DCPS: variants seen among roughly 807,000 people sequenced by gnomAD.
DCPS encodes m7GpppX diphosphatase.
In DCPS, 27 loss-of-function variants were observed where a neutral mutation model predicts 34.7. The observed-to-expected ratio is 0.78, with a 90% CI of 0.57 to 1.07. The LOEUF (loss-of-function observed/expected upper bound fraction) is 1.07, where lower values mean the gene tolerates loss of function less well. Among genes scored for constraint, DCPS ranks in the 50% least tolerant of loss-of-function variants. DCPS has a pLI of 0.00. For missense variants in DCPS, 464 were observed against 436.9 expected, an observed-to-expected ratio of 1.06 and a Z score of -0.55; for synonymous variants, 185 against 185.7, an observed-to-expected ratio of 1.00 and a Z score of 0.03.
In DCPS at chr11:126,319,934, A is replaced by T. The variant is rs185095849; in HGVS notation, c.377-11471A>T. On this transcript the variant is annotated intron_variant, in intron 2 of 5. Transcript: ENST00000263579. This position sits in a 1 kb window ranked among gnomAD's most constrained non-coding sequence, Gnocchi z 4.5. Reference sequence around the variant, plus strand: ...TTTTAACGTATTTGTTACACAAGTGATATGTAAATATATATAACTCCATCA... The same window carrying T: ...TTTTAACGTATTTGTTACACAAGTGTTATGTAAATATATATAACTCCATCA... Among the ~76,000 whole-genome samples the T allele has an allele frequency of 6.6e-6, 1 of 152,080 alleles. No individual in the cohort carries two copies. Among genetic ancestry groups the T allele is most frequent in the East Asian group, 1.9e-4 (1 of 5,168 alleles).
chr11:126,343,776 T>C (rs1951896073), intron 5 of DCPS, among the ~76,000 whole-genome samples: 1 of 152,174 alleles, frequency 6.6e-6, no homozygotes. Flanking sequence ...CTTGGGAGTA[T>C]GGGCACATGA....
At chr11:126,318,772 A>G (rs1039557963) in intron 2 of DCPS, among the ~76,000 whole-genome samples, 1 of 152,192 alleles carries the variant, frequency 6.6e-6, no homozygotes, top group African/African-American at 2.4e-5. Context: ...AGCCATAGAG[A>G]TGAGCTCATC....
Position 126,332,511 on chromosome 11 carries a change from T to C in DCPS, c.522+961T>C, listed in dbSNP as rs1951801469. Among the ~76,000 whole-genome samples, 1 of 152,236 alleles carries C rather than the reference T, an allele frequency of 6.6e-6. No homozygotes were observed. The highest frequency in any genetic ancestry group is 6.5e-5 in the Admixed American group (1 of 15,290). On this transcript the variant is annotated intron_variant, in intron 3 of 5. Transcript: ENST00000263579. This position sits in a 1 kb window ranked among gnomAD's most constrained non-coding sequence, Gnocchi z 5.4. ...CTCCCCAAGATTCAGGTCACTGTGGTGGAGGGTGTTGTGATGTGAGGAACT... is the reference window on the plus strand; with the variant it reads ...CTCCCCAAGATTCAGGTCACTGTGGCGGAGGGTGTTGTGATGTGAGGAACT...
At position 126,338,553 on chromosome 11, in the gene DCPS, A is replaced by G. The variant is rs1951853218; in HGVS notation, c.636+154A>G. Among the ~76,000 whole-genome samples the G allele has an allele frequency of 6.6e-6, 1 of 152,156 alleles. No individual in the cohort carries two copies. The highest frequency in any genetic ancestry group is 2.1e-4 in the South Asian group (1 of 4,826). ...TGAGCTCTCTGTGGGGACTGGGTGGATACCTGTCATACATAAGTGCTTTTG... is the reference window on the plus strand; with the variant it reads ...TGAGCTCTCTGTGGGGACTGGGTGGGTACCTGTCATACATAAGTGCTTTTG... On this transcript the variant is annotated intron_variant, in intron 4 of 5. Transcript: ENST00000263579. This position sits in a 1 kb window ranked among gnomAD's most constrained non-coding sequence, Gnocchi z 5.4.
At position 126,331,391 on chromosome 11, in the gene DCPS, CTG is replaced by C. The variant is rs920950386; in HGVS notation, c.377-12_377-11del. The C allele has an allele frequency of 6.2e-7, 1 of 1,613,612 alleles. No homozygotes were observed. Among genetic ancestry groups the C allele is most frequent in the African/African-American group, 1.3e-5 (1 of 74,912 alleles). ...CATTGCTTCCCTGTCACGGGCTGTG[CTG>C]TATCATTGCAGATGTAAAGACGACC... On this transcript the variant is annotated splice_polypyrimidine_tract_variant and intron_variant, in intron 2 of 5. Transcript: ENST00000263579. The surrounding 1 kb of genome is among the most constrained non-coding windows in gnomAD (Gnocchi z 7.2).
Position 126,347,589 on chromosome 11 carries a change from A to G in DCPS, c.*1976A>G, listed in dbSNP as rs920249432. ...AGTTGCAGCCAAGGAACTTTGAGGT[A>G]GTGACCAATGCAGGGAGGTCTGACA... On this transcript the variant is annotated 3_prime_UTR_variant, in exon 6 of 6. Coordinates refer to ENST00000263579, the MANE Select transcript of DCPS (RefSeq NM_014026.6). The surrounding 1 kb of genome is among the most constrained non-coding windows in gnomAD (Gnocchi z 4.2). Among the ~76,000 whole-genome samples, 2 of 152,224 alleles carry G rather than the reference A, an allele frequency of 1.3e-5. No homozygotes were observed. Among genetic ancestry groups the G allele is most frequent in the African/African-American group, 4.8e-5 (2 of 41,460 alleles).
At position 126,315,430 on chromosome 11, in the gene DCPS, T is replaced by G. The variant is rs1951650085; in HGVS notation, c.376+8686T>G. Among the ~76,000 whole-genome samples the G allele has an allele frequency of 1.3e-5, 2 of 151,804 alleles. No homozygotes were observed. The highest frequency in any genetic ancestry group is 4.9e-5 in the African/African-American group (2 of 41,228). On this transcript the variant is annotated intron_variant, in intron 2 of 5. Coordinates refer to ENST00000263579, the MANE Select transcript of DCPS (RefSeq NM_014026.6). This position sits in a 1 kb window ranked among gnomAD's most constrained non-coding sequence, Gnocchi z 6.1. ...CAAAAATTAGATGGGTGTGGTGGTA[T>G]GTGCCTGTAGTTCCAGCTACTCAGG...
At position 126,347,538 on chromosome 11, in the gene DCPS, A is replaced by G. The variant is rs1403560374; in HGVS notation, c.*1925A>G. Among the ~76,000 whole-genome samples, 2 of 152,170 alleles carry G rather than the reference A, an allele frequency of 1.3e-5. No individual in the cohort carries two copies. The highest frequency in any genetic ancestry group is 1.5e-5 in the Non-Finnish European group (1 of 68,030). On this transcript the variant is annotated 3_prime_UTR_variant, in exon 6 of 6. Transcript: ENST00000263579. The surrounding 1 kb of genome is among the most constrained non-coding windows in gnomAD (Gnocchi z 4.2). Reference sequence around the variant, plus strand: ...CGCGCCCAGCCCCTGCAATACGTCAACAGTCCCTAGATTCAGGCAACATGG... The same window carrying G: ...CGCGCCCAGCCCCTGCAATACGTCAGCAGTCCCTAGATTCAGGCAACATGG...
rs1299276328 is a variant in DCPS at position 126,312,762 on chromosome 11, T to G, written c.376+6018T>G. Among the ~76,000 whole-genome samples the G allele has an allele frequency of 1.3e-5, 2 of 152,252 alleles. No homozygotes were observed. Among genetic ancestry groups the G allele is most frequent in the African/African-American group, 4.8e-5 (2 of 41,476 alleles). On this transcript the variant is annotated intron_variant, in intron 2 of 5. Coordinates refer to ENST00000263579, the MANE Select transcript of DCPS (RefSeq NM_014026.6). The surrounding 1 kb of genome is among the most constrained non-coding windows in gnomAD (Gnocchi z 5.1). ...GTGGCACAGTAGCTGTCATATGGTC[T>G]GTATCCAATAAGTGTAATTATGGTG...
chr11:126,333,935 G>T lies in DCPS; in HGVS notation c.522+2385G>T, dbSNP rs146460855. On this transcript the variant is annotated intron_variant, in intron 3 of 5. Transcript: ENST00000263579. This position sits in a 1 kb window ranked among gnomAD's most constrained non-coding sequence, Gnocchi z 5.7. ...TCAGATGTGAGAACAGTTGCCATAG[G>T]CAGTGAGGGTGCCCTAAACGGTTTT... 6.6e-6 allele frequency among the ~76,000 whole-genome samples: 1 copy of T among 152,034 alleles called. No individual in the cohort carries two copies. Among genetic ancestry groups the T allele is most frequent in the African/African-American group, 2.4e-5 (1 of 41,388 alleles).
chr11:126,340,693 T>C (rs1472400490), intron 4 of DCPS, among the ~76,000 whole-genome samples: 1 of 152,180 alleles, frequency 6.6e-6, no homozygotes, highest in Non-Finnish European at 1.5e-5. Flanking sequence ...GGAGCTTTCC[T>C]AGCCACCTTG....
rs1951975828 is a variant in DCPS, at chr11:126,349,908, G to A, written c.*4295G>A. Among the ~76,000 whole-genome samples the A allele has an allele frequency of 6.6e-6, 1 of 152,184 alleles. No individual in the cohort carries two copies. On this transcript the variant is annotated 3_prime_UTR_variant, in exon 6 of 6. Transcript: ENST00000263579. The surrounding 1 kb of genome is among the most constrained non-coding windows in gnomAD (Gnocchi z 5.4). ...ATCCATGTCAACTTGAAGTTACCAA[G>A]TTTTAACCACTGTTAGAAAATAAGC... is the stretch of plus-strand genomic sequence containing the variant.
rs1951545769 is a variant in DCPS, at chr11:126,304,336, C to T, written c.201+55C>T. The T allele has an allele frequency of 5.7e-6, 9 of 1,585,498 alleles. No homozygotes were observed. The South Asian group carries it at 9.4e-5, about 17-fold the overall frequency. On this transcript the variant is annotated intron_variant, in intron 1 of 5. Coordinates refer to ENST00000263579, the MANE Select transcript of DCPS (RefSeq NM_014026.6). ...CGGGAAGCAGTGAACCAATCATCGC[C>T]TCGGAGGCAGATTTTTTTTTTTCGG...
In DCPS at chr11:126,344,960, T is replaced by C. The variant is rs1048887178; in HGVS notation, c.748-387T>C. ...TTCCTCCCATCCACTTCATGACTGATGAAATGCTTCTAAATCATGAAAGTC... is the reference window on the plus strand; with the variant it reads ...TTCCTCCCATCCACTTCATGACTGACGAAATGCTTCTAAATCATGAAAGTC... On this transcript the variant is annotated intron_variant, in intron 5 of 5. Coordinates refer to ENST00000263579, the MANE Select transcript of DCPS (RefSeq NM_014026.6). The surrounding 1 kb of genome is among the most constrained non-coding windows in gnomAD (Gnocchi z 8.1). 2.0e-5 allele frequency among the ~76,000 whole-genome samples: 3 copies of C among 152,180 alleles called. No individual in the cohort carries two copies. The highest frequency in any genetic ancestry group is 4.8e-5 in the African/African-American group (2 of 41,442).
At chr11:126,341,829 A>C (rs1047481997) in intron 4 of DCPS, 1 of 152,302 alleles carries the variant, frequency 6.6e-6, no homozygotes, top group African/African-American at 2.4e-5. Flanking sequence ...GGCCTGGTGC[A>C]TGTAGCTCAG....
In DCPS at chr11:126,332,197, G is replaced by C. The variant is rs1231001620; in HGVS notation, c.522+647G>C. ...CCCCCTTGCATTCGTCCAAAAGAAG[G>C]CAGGACCCCATTGGCCCCGGGGATT... is the stretch of plus-strand genomic sequence containing the variant. On this transcript the variant is annotated intron_variant, in intron 3 of 5. Transcript: ENST00000263579. This position sits in a 1 kb window ranked among gnomAD's most constrained non-coding sequence, Gnocchi z 5.4. Among the ~76,000 whole-genome samples the C allele has an allele frequency of 6.6e-6, 1 of 152,168 alleles. No homozygotes were observed. The highest frequency in any genetic ancestry group is 2.4e-5 in the African/African-American group (1 of 41,446).
At position 126,331,024 on chromosome 11, in the gene DCPS, C is replaced by T. The variant is rs1429740960; in HGVS notation, c.377-381C>T. Among the ~76,000 whole-genome samples the T allele has an allele frequency of 6.6e-6, 1 of 152,114 alleles. No homozygotes were observed. Among genetic ancestry groups the T allele is most frequent in the Non-Finnish European group, 1.5e-5 (1 of 68,034 alleles). ...GTGCTGGGATTACAGGCGTCAGCCA[C>T]TGCGCCCGGCCTTTAAGCCATATTT... is the stretch of plus-strand genomic sequence containing the variant. On this transcript the variant is annotated intron_variant, in intron 2 of 5. Coordinates refer to ENST00000263579, the MANE Select transcript of DCPS (RefSeq NM_014026.6). The surrounding 1 kb of genome is among the most constrained non-coding windows in gnomAD (Gnocchi z 7.2).
chr11:126,321,621 G>A (rs536046409), intron 2 of DCPS, among the ~76,000 whole-genome samples: 55 of 152,234 alleles, frequency 3.6e-4, no homozygotes, highest in Admixed American at 1.7e-3. Flanking sequence ...CCTTCAGGAG[G>A]GAGTGGACAG....
rs556877740 is a variant in DCPS, at chr11:126,318,492, A to G, written c.376+11748A>G. Among the ~76,000 whole-genome samples, 3 of 152,290 alleles carry G rather than the reference A, an allele frequency of 2.0e-5. No individual in the cohort carries two copies. The East Asian group carries it at 5.8e-4, about 29-fold the overall frequency. The stretch of plus-strand genomic sequence containing the variant: ...GTGTCGCCTAGCCAGGGGACATCCC[A>G]CAGAGGAGGAAAGAGAAAGCAGATC... On this transcript the variant is annotated intron_variant, in intron 2 of 5. Coordinates refer to ENST00000263579, the MANE Select transcript of DCPS (RefSeq NM_014026.6).
Sources: gnomAD v4.1 joint callset for allele counts (sites outside exome capture counted in the v4.1 genomes callset) on GRCh38, gnomAD v4.1.1 for gene constraint, Gnocchi (gnomAD v3.1) non-coding constraint, MANE v1.5 for transcripts, NCBI Gene and HGNC (gene_info 2026-07-23, HGNC 2026-07-21) for gene names.